Variants in RUNX1 observed in about 807,000 individuals in gnomAD.
RUNX1 encodes the protein RUNX family transcription factor 1, also known as runt-related transcription factor 1.
RUNX1 carries 19 observed loss-of-function variants against 42.8 expected under a neutral mutation model. The observed-to-expected ratio is 0.44, with a 90% confidence interval of 0.31 to 0.65. The LOEUF is 0.65. Ranked by LOEUF, RUNX1 falls within the 30% of genes least tolerant of loss-of-function variation. The pLI is 0.07. For synonymous variants in RUNX1, 271 were observed against 289.4 expected (o/e 0.94, Z 0.64); for missense variants, 528 against 672.0 (o/e 0.79, Z 2.37).
chr21:34,833,554 A>G (rs1316498799), intron 7 of RUNX1: 1 of 153,052 alleles, frequency 6.5e-6, no homozygotes, highest in Non-Finnish European at 1.5e-5. Context: ...AAGAGCTACC[A>G]CATCGATTGC....
intron 7 of RUNX1, among the ~76,000 whole-genome samples, chr21:34,822,054 G>T (rs1387117920): frequency 6.6e-6 from 1 of 152,206 alleles, no homozygotes; most frequent in Non-Finnish European, 1.5e-5. Context: ...AGAGTGAGGG[G>T]CTCTGGGGCA....
intron 7 of RUNX1, among the ~76,000 whole-genome samples, chr21:34,810,079 A>G (rs926413771): frequency 2.6e-5 from 4 of 152,182 alleles, no homozygotes; most frequent in Non-Finnish European, 4.4e-5. Context: ...CTCTGGTGGG[A>G]GAGGCCGAGG....
At chr21:34,877,662 GGAC>G (rs1316196729) in intron 5 of RUNX1, among the ~76,000 whole-genome samples, 5 of 152,190 alleles carry the variant, frequency 3.3e-5, no homozygotes, top group Non-Finnish European at 7.3e-5. Context: ...CATCAAAGCC[GGAC>G]AGGCAGGTTT....
At chr21:34,965,914 C>T (rs546810460) in intron 2 of RUNX1, among the ~76,000 whole-genome samples, 3 of 151,982 alleles carry the variant, frequency 2.0e-5, no homozygotes, top group African/African-American at 4.9e-5. Flanking sequence ...CTGTGGTTAA[C>T]AGTTTGGGAA....
intron 7 of RUNX1, among the ~76,000 whole-genome samples, chr21:34,809,903 T>C (rs964004321): frequency 3.9e-5 from 6 of 152,190 alleles, no homozygotes; most frequent in Non-Finnish European, 5.9e-5. Context: ...CTATGAGTTG[T>C]CGATATTGGA....
chr21:34,844,268 G>C (rs114302972), intron 6 of RUNX1, among the ~76,000 whole-genome samples: 1 of 152,166 alleles, frequency 6.6e-6, no homozygotes, highest in Non-Finnish European at 1.5e-5. Context: ...CTCACAGAAC[G>C]CTGCCTGGAG....
chr21:34,815,720 T>C (rs973902490), intron 7 of RUNX1, among the ~76,000 whole-genome samples: 1 of 151,924 alleles, frequency 6.6e-6, no homozygotes, highest in Non-Finnish European at 1.5e-5. Context: ...AAGGAAGTGG[T>C]AGGTAAATCA....
chr21:34,984,589 A>T (rs761045778), intron 2 of RUNX1, among the ~76,000 whole-genome samples: 1 of 152,214 alleles, frequency 6.6e-6, no homozygotes, highest in African/African-American at 2.4e-5. Context: ...GCTTGCAGAA[A>T]TAGCAGAATC....
chr21:34,821,670 A>T, intron 7 of RUNX1: 1 of 1,574,208 alleles, frequency 6.4e-7, no homozygotes, highest in Non-Finnish European at 8.6e-7. Context: ...CTTCTGCCTT[A>T]ACATCTCCAG....
chr21:34,956,665 G>A (rs12481953), intron 2 of RUNX1, among the ~76,000 whole-genome samples: 3,408 of 152,250 alleles, frequency 0.022, 55 homozygotes, highest in Middle Eastern at 0.044. Flanking sequence ...GCATGAATGG[G>A]TGACTAGCTC....
intron 7 of RUNX1, among the ~76,000 whole-genome samples, chr21:34,827,828 C>T (rs1431130961): frequency 6.6e-6 from 1 of 152,230 alleles, no homozygotes; most frequent in Admixed American, 6.5e-5. Context: ...GCTGTGGAAG[C>T]ATGGCTTCCT....
At chr21:34,930,013 CAT>C (rs947351769) in intron 2 of RUNX1, among the ~76,000 whole-genome samples, 1 of 151,324 alleles carries the variant, frequency 6.6e-6, no homozygotes, top group African/African-American at 2.4e-5. Flanking sequence ...AAATGAATGA[CAT>C]ATGTTTCAAG....
At chr21:34,961,470 A>G (rs920952046) in intron 2 of RUNX1, among the ~76,000 whole-genome samples, 3 of 152,216 alleles carry the variant, frequency 2.0e-5, no homozygotes, top group Non-Finnish European at 4.4e-5. Context: ...ACAAATTGTG[A>G]TATCTGAAGA....
At chr21:35,022,337 C>T (rs769237501) in intron 2 of RUNX1, among the ~76,000 whole-genome samples, 7 of 152,142 alleles carry the variant, frequency 4.6e-5, no homozygotes, top group Non-Finnish European at 7.4e-5. Context: ...TGATGGAGTC[C>T]GCTGGTTTTC....
chr21:34,805,053 T>C (rs2056660965), intron 7 of RUNX1, among the ~76,000 whole-genome samples: 1 of 152,074 alleles, frequency 6.6e-6, no homozygotes, highest in Admixed American at 6.6e-5. Context: ...GTGCCCAGCC[T>C]GAAACTCTTA....
chr21:34,861,346 C>T (rs533668288), intron 5 of RUNX1, among the ~76,000 whole-genome samples: 3 of 152,224 alleles, frequency 2.0e-5, no homozygotes, highest in Non-Finnish European at 4.4e-5. Flanking sequence ...GTCCTGGGGG[C>T]AACTGCCCAT....
chr21:34,917,704 G>A (rs2146542530), intron 2 of RUNX1, among the ~76,000 whole-genome samples: 1 of 152,304 alleles, frequency 6.6e-6, no homozygotes, highest in Middle Eastern at 3.4e-3. Flanking sequence ...CCTCATACAA[G>A]CATTGAAATG....
chr21:34,934,270 AT>A (rs1182281161), intron 2 of RUNX1, among the ~76,000 whole-genome samples: 263 of 150,468 alleles, frequency 1.7e-3, no homozygotes, highest in African/African-American at 6.1e-3. Context: ...TTTTTTTTTA[AT>A]TTTTTTTTAA....
At position 34,799,714 on chromosome 21, in the gene RUNX1, CAAT is replaced by C. The variant is rs140508429; in HGVS notation, c.806-255_806-253del. 9.3e-4 allele frequency among the ~76,000 whole-genome samples: 141 copies of C among 152,234 alleles called. 1 individual carries two copies. The East Asian group carries it at 0.024, about 26-fold the overall frequency. On this transcript the variant is annotated intron_variant, in intron 7 of 8. Transcript: ENST00000675419. ...CAAAGGTTTTATTTAATCATGCTAA[CAAT>C]GATGAGAGGAATGGATTACACTTTC...
Sources: gnomAD v4.1 joint callset for allele counts (sites outside exome capture counted in the v4.1 genomes callset) on GRCh38, gnomAD v4.1.1 for gene constraint, MANE v1.5 for transcripts, NCBI Gene and HGNC (gene_info 2026-07-23, HGNC 2026-07-21) for gene names.